Variants in IKBKB observed in about 807,000 individuals in gnomAD.
IKBKB encodes inhibitor of nuclear factor kappa B kinase subunit beta.
Under a neutral mutation model 113.6 loss-of-function variants are expected in IKBKB, and 42 were observed. The observed-to-expected ratio is 0.37, with a 90% CI of 0.29 to 0.48. The LOEUF (loss-of-function observed/expected upper bound fraction) is 0.48. IKBKB is among the 20% of genes least tolerant of loss of function. The pLI is 0.99. For synonymous variants in IKBKB, 296 were observed against 361.3 expected (o/e 0.82, Z 2.05); for missense variants, 673 against 939.7 (o/e 0.72, Z 3.71).
At chr8:42,319,858 TG>T (rs1249385354) in intron 15 of IKBKB, 2 of 516,486 alleles carry the variant, frequency 3.9e-6, no homozygotes, top group African/African-American at 3.9e-5. Flanking sequence ...GCTGCATGAA[TG>T]GACAGAGATG....
intron 2 of IKBKB, among the ~76,000 whole-genome samples, chr8:42,287,671 A>C (rs1001066577): frequency 6.6e-6 from 1 of 152,240 alleles, no homozygotes; most frequent in African/African-American, 2.4e-5. Context: ...GCTTGTTTTC[A>C]AGCCCTGAAA....
chr8:42,328,475 C>A (rs150173403), intron 20 of IKBKB, among the ~76,000 whole-genome samples: 47 of 152,170 alleles, frequency 3.1e-4, no homozygotes, highest in African/African-American at 9.9e-4. Flanking sequence ...GGCAGTCTTC[C>A]TTTATGTGGC....
chr8:42,285,763 G>A (rs1811293689), intron 2 of IKBKB, among the ~76,000 whole-genome samples: 1 of 152,244 alleles, frequency 6.6e-6, no homozygotes, highest in South Asian at 2.1e-4. Flanking sequence ...GCCTGTGGCT[G>A]CACCATGGGT....
chr8:42,329,624 C>A (rs773193277), intron 21 of IKBKB: 223 of 984,278 alleles, frequency 2.3e-4, no homozygotes, highest in Non-Finnish European at 2.6e-4. Context: ...CACTTAATTC[C>A]GATGATGAGG....
At chr8:42,314,820 C>T (rs1046159457) in intron 9 of IKBKB, among the ~76,000 whole-genome samples, 1 of 151,804 alleles carries the variant, frequency 6.6e-6, no homozygotes, top group Non-Finnish European at 1.5e-5. Flanking sequence ...GAAGTGACAT[C>T]TGATAACTTT....
intron 2 of IKBKB, among the ~76,000 whole-genome samples, chr8:42,288,190 T>C (rs935725105): frequency 6.6e-5 from 10 of 151,898 alleles, no homozygotes; most frequent in Admixed American, 2.0e-4. Context: ...AATTCAAGAC[T>C]AGCCTCACCA....
chr8:42,295,594 G>A (rs901540213), intron 5 of IKBKB, among the ~76,000 whole-genome samples: 3 of 152,134 alleles, frequency 2.0e-5, no homozygotes, highest in Admixed American at 6.5e-5. Flanking sequence ...GCATGGTGAC[G>A]GGCGCCTGTA....
chr8:42,331,134 T>C lies in IKBKB; in HGVS notation c.*155T>C. 13 of 1,114,220 alleles carry C rather than the reference T, an allele frequency of 1.2e-5. No homozygotes were observed. Among genetic ancestry groups the C allele is most frequent in the Non-Finnish European group, 1.7e-5 (13 of 764,396 alleles). 69.0% of individuals were successfully genotyped at this position (1,114,220 alleles called of 1,614,324 possible). A position where few individuals can be genotyped will look rare whatever the true frequency, so the allele number is the denominator to read the frequency against. On this transcript the variant is annotated 3_prime_UTR_variant, in exon 22 of 22. Transcript: ENST00000520810. ...CACATGGTGGTTCCTGCTGCACTGATGGCCCAGGGGTCTCTGGTATCCAGA... is the reference window on the plus strand; with the variant it reads ...CACATGGTGGTTCCTGCTGCACTGACGGCCCAGGGGTCTCTGGTATCCAGA...
chr8:42,300,542 T>C (rs1000408400), intron 5 of IKBKB, among the ~76,000 whole-genome samples: 5 of 152,198 alleles, frequency 3.3e-5, no homozygotes, highest in African/African-American at 7.2e-5. Context: ...GCTGCTCTTA[T>C]CTGTTCCCCA....
Position 42,319,227 on chromosome 8 carries a change from G to C in IKBKB, c.1365-43G>C, listed in dbSNP as rs769240385. 34 of 1,594,812 alleles carry C rather than the reference G, an allele frequency of 2.1e-5. No individual in the cohort carries two copies. The South Asian group carries it at 3.7e-4, about 17-fold the overall frequency. On this transcript the variant is annotated intron_variant, in intron 13 of 21. Coordinates refer to ENST00000520810, the MANE Select transcript of IKBKB (RefSeq NM_001556.3). ...GTTATTGTACAGGAAATGGAATTTG[G>C]ATCCCAGAGATGCTCCAAGACTGTT...
chr8:42,293,355 C>T (rs1001291976), intron 4 of IKBKB, 88 bp from the exon 5 acceptor site: 102 of 1,549,820 alleles, frequency 6.6e-5, no homozygotes, highest in Non-Finnish European at 8.5e-5. Context: ...GGTCAGCACT[C>T]TGGTCACATG....
chr8:42,288,481 C>T (rs116133208), intron 2 of IKBKB, among the ~76,000 whole-genome samples, 153 bp from the exon 3 acceptor site: 3,201 of 151,454 alleles, frequency 0.021, 119 homozygotes, highest in African/African-American at 0.073. Context: ...GCAGGTGCTA[C>T]GTGGCTGTCG....
chr8:42,322,603 C>T, intron 19 of IKBKB, 109 bp downstream of exon 19: 1 of 1,138,274 alleles, frequency 8.8e-7, no homozygotes, highest in African/African-American at 1.5e-5. Flanking sequence ...CACCAGCAGC[C>T]CACTCAGCTG....
At chr8:42,319,766 T>C in intron 15 of IKBKB, 120 bp downstream of exon 15, 1 of 854,286 alleles carries the variant, frequency 1.2e-6, no homozygotes, top group Middle Eastern at 3.6e-4. Flanking sequence ...TTCCTCACCA[T>C]GCTTTGAGCT....
intron 8 of IKBKB, 83 bp downstream of exon 8, chr8:42,309,108 A>G (rs947261113): frequency 2.1e-6 from 3 of 1,422,312 alleles, no homozygotes; most frequent in Non-Finnish European, 2.9e-6. Flanking sequence ...CTGGCGCCCC[A>G]TCACCGGGCC....
chr8:42,288,399 AAAAAG>A (rs1811868359), intron 2 of IKBKB, among the ~76,000 whole-genome samples: 1 of 151,824 alleles, frequency 6.6e-6, no homozygotes. Flanking sequence ...ACAAAAAAAA[AAAAAG>A]AGAGAGAAAG....
chr8:42,295,355 G>C (rs1367964894), intron 5 of IKBKB, among the ~76,000 whole-genome samples: 1 of 152,192 alleles, frequency 6.6e-6, no homozygotes, highest in Non-Finnish European at 1.5e-5. Context: ...TTGACCTCAA[G>C]TGATCTGCCC....
At chr8:42,305,394 T>A in intron 6 of IKBKB, 119 bp downstream of exon 6, 2 of 667,638 alleles carry the variant, frequency 3.0e-6, no homozygotes, top group Non-Finnish European at 5.3e-6. Flanking sequence ...TGTGCTTTGA[T>A]TCTCTGGGAA....
chr8:42,302,762 A>C (rs528732869), intron 5 of IKBKB, among the ~76,000 whole-genome samples: 2 of 131,854 alleles, frequency 1.5e-5, no homozygotes, highest in South Asian at 4.5e-4. Flanking sequence ...GTATTCCAAA[A>C]TCCAAAAAAA....
Sources: gnomAD v4.1 joint callset for allele counts (sites outside exome capture counted in the v4.1 genomes callset) on GRCh38, gnomAD v4.1.1 for gene constraint, MANE v1.5 for transcripts, NCBI Gene and HGNC (gene_info 2026-07-23, HGNC 2026-07-21) for gene names.